The following CYTH1 variants were observed in gnomAD, a reference collection of about 807,000 sequenced individuals.
CYTH1 encodes cytohesin-1.
A neutral mutation model predicts 61.8 loss-of-function variants in CYTH1; 18 were observed. The observed-to-expected ratio is 0.29, with a 90% CI of 0.20 to 0.43. The LOEUF (loss-of-function observed/expected upper bound fraction) is 0.43, where lower values mean the gene tolerates loss of function less well. Ranked by LOEUF, CYTH1 falls within the 20% of genes least tolerant of loss-of-function variation. The pLI is 1.00. For synonymous variants in CYTH1, 174 were observed against 184.3 expected (o/e 0.94, Z 0.45); for missense variants, 336 against 510.5 (o/e 0.66, Z 3.29).
At position 78,700,335 on chromosome 17, in the gene CYTH1, G is replaced by A. The variant is rs766291014; in HGVS notation, c.546C>T (p.Ser182=). 1.2e-6 allele frequency: 2 copies of A among 1,609,538 alleles called. No individual in the cohort carries two copies. Among genetic ancestry groups the A allele is most frequent in the Non-Finnish European group, 1.7e-6 (2 of 1,177,902 alleles). Residue 182 remains serine (S), a synonymous_variant, in exon 7 of 14, where the codon TCC becomes TCT. Transcript: ENST00000446868. This position sits in a 1 kb window ranked among gnomAD's most constrained non-coding sequence, Gnocchi z 5.1. ...AGGATGAATGATCGTATTTACCCGT[G>A]GACTGGAACACGCCATTATTGCACT... ...YCQCNNGVFQ[S]TDTCYVLSFA...
In CYTH1 at chr17:78,682,014, A is replaced by C. The variant is rs28537231; in HGVS notation, c.892-972T>G. Among the ~76,000 whole-genome samples the C allele has an allele frequency of 6.3e-3, 963 of 152,026 alleles. 13 individuals are homozygous for C. The highest frequency in any genetic ancestry group is 0.022 in the African/African-American group (914 of 41,448). ...AATACCATATTAGAACTGCCTTTTG[A>C]CTGCTTGATTTTAGATGTTATCTAC... On this transcript the variant is annotated intron_variant, in intron 11 of 13. Coordinates refer to ENST00000446868, the MANE Select transcript of CYTH1 (RefSeq NM_004762.6).
intron 11 of CYTH1, among the ~76,000 whole-genome samples, chr17:78,687,699 G>A (rs1004809006): frequency 1.4e-4 from 22 of 152,314 alleles, no homozygotes; most frequent in African/African-American, 5.1e-4. Context: ...TGTAATTCCA[G>A]TTTGGCTTTG....
At chr17:78,681,441 G>A (rs896364732) in intron 11 of CYTH1, among the ~76,000 whole-genome samples, 8 of 152,082 alleles carry the variant, frequency 5.3e-5, no homozygotes, top group African/African-American at 1.7e-4. Context: ...CTAGCGCCCC[G>A]ATGCCTGGGA....
chr17:78,751,955 C>A (rs917617358), intron 1 of CYTH1, among the ~76,000 whole-genome samples: 1 of 152,096 alleles, frequency 6.6e-6, no homozygotes, highest in Non-Finnish European at 1.5e-5. Flanking sequence ...AGGCTGGTTT[C>A]GAAACCCTGA....
intron 1 of CYTH1, among the ~76,000 whole-genome samples, chr17:78,736,378 G>A (rs746058270): frequency 7.2e-5 from 11 of 152,014 alleles, no homozygotes; most frequent in Non-Finnish European, 1.2e-4. Flanking sequence ...AAAACACTGA[G>A]TTACCTTAAT....
At position 78,756,079 on chromosome 17, in the gene CYTH1, A is replaced by ATT. The variant is rs143186254; in HGVS notation, c.22+26121_22+26122dup. 4.9e-3 allele frequency among the ~76,000 whole-genome samples: 680 copies of ATT among 138,096 alleles called. 33 individuals are homozygous for ATT. The South Asian group carries it at 0.09, about 18-fold the overall frequency. 90.6% of individuals were successfully genotyped at this position (138,096 alleles called of 152,430 possible). A position where few individuals can be genotyped will look rare whatever the true frequency, so the allele number is the denominator to read the frequency against. ...ACTATTTATTTATTTATTTATTTTTATTTTTTTTTTTTTTGAGACAGAGTC... is the reference window on the plus strand; with the variant it reads ...ACTATTTATTTATTTATTTATTTTTATTTTTTTTTTTTTTTTGAGACAGAGTC... On this transcript the variant is annotated intron_variant, in intron 1 of 13. Transcript: ENST00000446868.
At chr17:78,677,290 G>A (rs1310488530) in intron 13 of CYTH1, 2 of 358,890 alleles carry the variant, frequency 5.6e-6, no homozygotes, top group Admixed American at 3.7e-5. Flanking sequence ...TAAGCTGGGG[G>A]GTTCTGCAGA....
chr17:78,710,690 T>C (rs2093119700), intron 1 of CYTH1, among the ~76,000 whole-genome samples: 1 of 152,190 alleles, frequency 6.6e-6, no homozygotes. Context: ...CATCACCCAC[T>C]TGATAAGGCT....
chr17:78,766,909 C>T (rs1330905890), intron 1 of CYTH1, among the ~76,000 whole-genome samples: 1 of 152,166 alleles, frequency 6.6e-6, no homozygotes. Context: ...GCTTGTGGTG[C>T]CAGCTCAACC....
At chr17:78,763,848 C>T (rs1021741266) in intron 1 of CYTH1, among the ~76,000 whole-genome samples, 2 of 152,184 alleles carry the variant, frequency 1.3e-5, no homozygotes, top group Admixed American at 6.5e-5. Flanking sequence ...CAGTGGCTCA[C>T]GCCTGTAATC....
Position 78,717,183 on chromosome 17 carries a change from G to A in CYTH1, c.23-7451C>T, listed in dbSNP as rs1239378982. ...TTTAAAAGAATGGCCACTGGGGAGG[G>A]CAGCAGGTTGTCCCTGCCGGCAGCC... On this transcript the variant is annotated intron_variant, in intron 1 of 13. Transcript: ENST00000446868. The surrounding 1 kb of genome is among the most constrained non-coding windows in gnomAD (Gnocchi z 4.4). Among the ~76,000 whole-genome samples, 1 of 152,218 alleles carries A rather than the reference G, an allele frequency of 6.6e-6. No individual in the cohort carries two copies. The highest frequency in any genetic ancestry group is 1.5e-5 in the Non-Finnish European group (1 of 68,036).
chr17:78,739,941 CT>C (rs1206405948), intron 1 of CYTH1, among the ~76,000 whole-genome samples: 1 of 126,568 alleles, frequency 7.9e-6, no homozygotes, highest in Non-Finnish European at 1.7e-5. Flanking sequence ...GCTATCTTTT[CT>C]TTTTTTTTTC....
intron 1 of CYTH1, among the ~76,000 whole-genome samples, chr17:78,713,344 T>C (rs2093153091): frequency 6.6e-6 from 1 of 152,136 alleles, no homozygotes; most frequent in Non-Finnish European, 1.5e-5. Context: ...CATTCCAATA[T>C]AACATGGTTT....
chr17:78,768,558 C>T (rs1274271696), intron 1 of CYTH1, among the ~76,000 whole-genome samples: 1 of 152,144 alleles, frequency 6.6e-6, no homozygotes, highest in Non-Finnish European at 1.5e-5. Context: ...CTGTCTCTTT[C>T]ATCTCCTTTC....
intron 11 of CYTH1, among the ~76,000 whole-genome samples, chr17:78,684,161 C>A (rs1053082274): frequency 8.5e-5 from 13 of 152,134 alleles, no homozygotes; most frequent in African/African-American, 2.7e-4. Flanking sequence ...CCTTCCTGGC[C>A]CCCCCTCTTT....
At chr17:78,678,603 G>A (rs932844174) in intron 13 of CYTH1, 1 of 151,978 alleles carries the variant, frequency 6.6e-6, no homozygotes, top group Admixed American at 6.5e-5. Flanking sequence ...AAGGATACCG[G>A]TCCCCCACAA....
intron 1 of CYTH1, among the ~76,000 whole-genome samples, chr17:78,745,034 CA>C (rs377433248): frequency 2.8e-4 from 43 of 152,192 alleles, no homozygotes; most frequent in Middle Eastern, 3.4e-3. Flanking sequence ...TAACTTGCCA[CA>C]AAACTGAAAA....
intron 1 of CYTH1, among the ~76,000 whole-genome samples, chr17:78,724,645 C>G (rs2093255523): frequency 1.3e-5 from 2 of 152,188 alleles, no homozygotes; most frequent in Non-Finnish European, 2.9e-5. Context: ...GGTTAAGAAC[C>G]ATTGCTCTAG....
intron 1 of CYTH1, among the ~76,000 whole-genome samples, chr17:78,760,882 G>C (rs2093426061): frequency 6.6e-6 from 1 of 151,926 alleles, no homozygotes; most frequent in Non-Finnish European, 1.5e-5. Flanking sequence ...CCATAAGTCA[G>C]AGACAGTCTC....
Sources: allele counts gnomAD v4.1 joint callset (sites outside exome capture counted in the v4.1 genomes callset), GRCh38; gene constraint gnomAD v4.1.1; non-coding constraint Gnocchi (gnomAD v3.1); transcripts MANE v1.5; gene names NCBI Gene and HGNC (gene_info 2026-07-23, HGNC 2026-07-21).